The following SOS2 variants were observed in gnomAD, a reference collection of about 807,000 sequenced individuals.
The protein encoded by SOS2 is SOS Ras/Rho guanine nucleotide exchange factor 2.
SOS2 carries 65 observed loss-of-function variants against 148.2 expected under a neutral mutation model. The observed-to-expected ratio is 0.44, with a 90% CI of 0.36 to 0.54. The LOEUF (loss-of-function observed/expected upper bound fraction) is 0.54, where lower values mean the gene tolerates loss of function less well. SOS2 is among the 20% of genes least tolerant of loss of function. SOS2 has a pLI of 0.00. For missense variants in SOS2, 1,341 were observed against 1,590.2 expected (o/e 0.84, Z 2.67); for synonymous variants, 539 against 537.1 (o/e 1.00, Z -0.05).
intron 21 of SOS2, among the ~76,000 whole-genome samples, chr14:50,123,282 A>T (rs1451723468): frequency 6.6e-6 from 1 of 151,454 alleles, no homozygotes; most frequent in Middle Eastern, 3.2e-3. Context: ...ATAAGTGATG[A>T]GGTCTGACAG....
intron 1 of SOS2, among the ~76,000 whole-genome samples, chr14:50,227,886 G>C (rs1380011350): frequency 1.3e-5 from 2 of 152,230 alleles, no homozygotes; most frequent in East Asian, 3.9e-4. Context: ...TAGATATCCA[G>C]TTTTCATAAA....
chr14:50,137,754 T>A (rs1428255753), intron 18 of SOS2, among the ~76,000 whole-genome samples: 2 of 152,208 alleles, frequency 1.3e-5, no homozygotes, highest in African/African-American at 4.8e-5. Flanking sequence ...TGTAGAATAA[T>A]CCCATCATGG....
At chr14:50,134,368 G>T in intron 18 of SOS2, 129 bp from the exon 19 acceptor site, 1 of 550,854 alleles carries the variant, frequency 1.8e-6, no homozygotes, top group South Asian at 2.7e-5. Context: ...CACATTAAGA[G>T]CCCACAATAT....
chr14:50,204,823 T>C (rs527846322), intron 1 of SOS2, among the ~76,000 whole-genome samples: 1 of 152,224 alleles, frequency 6.6e-6, no homozygotes, highest in African/African-American at 2.4e-5. Flanking sequence ...CTCTGTGAAA[T>C]AGGTGCTACT....
At chr14:50,187,541 G>C (rs1180690567) in intron 5 of SOS2, among the ~76,000 whole-genome samples, 1 of 151,530 alleles carries the variant, frequency 6.6e-6, no homozygotes. Flanking sequence ...AGTGGAGACG[G>C]GGTTTCACCG....
intron 7 of SOS2, 40 bp downstream of exon 7, chr14:50,180,532 T>C: frequency 2.1e-6 from 1 of 465,886 alleles, no homozygotes; most frequent in South Asian, 2.9e-5. Flanking sequence ...ATTTGCTTTA[T>C]TAAAAAAAAA....
chr14:50,202,333 A>G (rs1886518885), intron 2 of SOS2, among the ~76,000 whole-genome samples: 1 of 152,246 alleles, frequency 6.6e-6, no homozygotes, highest in South Asian at 2.1e-4. Flanking sequence ...GATCTGAATT[A>G]AACTCTAATT....
rs17122174 is a variant in SOS2, at chr14:50,139,898, A to G, written c.2785+44T>C. 9,314 of 946,130 alleles carry G rather than the reference A, an allele frequency of 9.8e-3. 529 individuals carry two copies. In the African/African-American group the frequency reaches 0.12, roughly 12 times the overall value. The allele number at this position is 946,130 out of a possible 1,614,324, so 58.6% of individuals were successfully genotyped here. ...CTCTGAAGACTGCTCTCTTTTGGCTATCACACGCTCACCCTCAAAATATAT... is the reference window on the plus strand; with the variant it reads ...CTCTGAAGACTGCTCTCTTTTGGCTGTCACACGCTCACCCTCAAAATATAT... On this transcript the variant is annotated intron_variant, in intron 17 of 22. Transcript: ENST00000216373.
At chr14:50,136,158 T>A (rs1010964434) in intron 18 of SOS2, among the ~76,000 whole-genome samples, 1 of 152,254 alleles carries the variant, frequency 6.6e-6, no homozygotes, top group African/African-American at 2.4e-5. Context: ...AAATTAAATA[T>A]TAGCCACTAG....
chr14:50,132,325 T>A (rs1367040820), intron 19 of SOS2, among the ~76,000 whole-genome samples: 1 of 126,538 alleles, frequency 7.9e-6, no homozygotes, highest in Non-Finnish European at 1.6e-5. Context: ...GAGACCAGCC[T>A]GGGCAATATA....
At chr14:50,137,400 G>T (rs1219535267) in intron 18 of SOS2, among the ~76,000 whole-genome samples, 7 of 152,086 alleles carry the variant, frequency 4.6e-5, no homozygotes, top group African/African-American at 1.7e-4. Flanking sequence ...ATCAAATCTA[G>T]AAATGAATTT....
intron 8 of SOS2, among the ~76,000 whole-genome samples, chr14:50,174,053 T>C (rs1010406292): frequency 6.6e-5 from 10 of 152,192 alleles, no homozygotes; most frequent in Non-Finnish European, 1.2e-4. Flanking sequence ...TTGACTATAA[T>C]GGCCTGACTC....
chr14:50,166,870 A>G (rs986305952), intron 8 of SOS2, among the ~76,000 whole-genome samples: 8 of 152,180 alleles, frequency 5.3e-5, no homozygotes, highest in East Asian at 3.8e-4. Context: ...CTAGATTTTC[A>G]TAAGAGTGGA....
chr14:50,187,654 T>C (rs1595006154), intron 5 of SOS2, among the ~76,000 whole-genome samples: 1 of 152,142 alleles, frequency 6.6e-6, no homozygotes, highest in African/African-American at 2.4e-5. Flanking sequence ...CGGTCAAGAC[T>C]AATTATTTTT....
At chr14:50,167,892 G>T (rs557944749) in intron 8 of SOS2, among the ~76,000 whole-genome samples, 1 of 151,732 alleles carries the variant, frequency 6.6e-6, no homozygotes, top group African/African-American at 2.4e-5. Flanking sequence ...AAAAAAAAGT[G>T]AGTCCAGGTG....
In SOS2 at chr14:50,171,682, CAAAAAAAAAA is replaced by C. The variant is rs57389741; in HGVS notation, c.1068+2762_1068+2771del. 2.5e-4 allele frequency among the ~76,000 whole-genome samples: 26 copies of C among 103,130 alleles called. No homozygotes were observed. The South Asian group carries it at 3.8e-3, about 15-fold the overall frequency. The allele number at this position is 103,130 out of a possible 152,430, so 67.7% of individuals were successfully genotyped here. A position where few individuals can be genotyped will look rare whatever the true frequency, so the allele number is the denominator to read the frequency against. On this transcript the variant is annotated intron_variant, in intron 8 of 22. Transcript: ENST00000216373. The stretch of plus-strand genomic sequence containing the variant: ...CAGGCGACAGAGCAAAATTCCATCT[CAAAAAAAAAA>C]AAAAAAAAAAAAAAAAATTCAACGG...
intron 9 of SOS2, among the ~76,000 whole-genome samples, chr14:50,161,180 T>TTAC (rs1473828269): frequency 6.6e-6 from 1 of 150,946 alleles, no homozygotes; most frequent in East Asian, 1.9e-4. Context: ...GTAGTTCCAG[T>TTAC]TACTTGGGAG....
In SOS2 at chr14:50,180,575, A is replaced by G. The variant is rs1163616524; in HGVS notation, c.966T>C (p.Phe322=). The G allele has an allele frequency of 2.2e-6, 3 of 1,380,926 alleles. No homozygotes were observed. The highest frequency in any genetic ancestry group is 4.6e-5 in the Admixed American group (2 of 43,544). 85.5% of individuals were successfully genotyped at this position (1,380,926 alleles called of 1,614,324 possible). A position where few individuals can be genotyped will look rare whatever the true frequency, so the allele number is the denominator to read the frequency against. ...AAAACCTTCAATTTAAGTTTACCTG[A>G]AAGTGTAGAGCAACTGCAGGTCTGG... ...LMARPAVALH[F]QSIADGFKEA... The change falls in exon 7 of 23, where the codon TTT becomes TTC. Residue 322 remains phenylalanine (F), a synonymous_variant. Coordinates refer to ENST00000216373, the MANE Select transcript of SOS2 (RefSeq NM_006939.4).
intron 1 of SOS2, among the ~76,000 whole-genome samples, chr14:50,226,384 T>C (rs1887377260): frequency 6.6e-6 from 1 of 152,236 alleles, no homozygotes; most frequent in African/African-American, 2.4e-5. Flanking sequence ...TGTACTTTTC[T>C]TGTGGGCCTC....
Sources: gnomAD v4.1 joint callset for allele counts (sites outside exome capture counted in the v4.1 genomes callset) on GRCh38, gnomAD v4.1.1 for gene constraint, MANE v1.5 for transcripts, NCBI Gene and HGNC (gene_info 2026-07-23, HGNC 2026-07-21) for gene names.